NHS: variants seen among roughly 807,000 people sequenced by gnomAD.
NHS encodes the protein NHS actin remodeling regulator.
In NHS, 5 loss-of-function variants were observed where a neutral mutation model predicts 72.5. The ratio of observed to expected loss-of-function variants is 0.07; its 90% confidence interval spans 0.04 to 0.14. The LOEUF (loss-of-function observed/expected upper bound fraction) is 0.14. NHS is among the 10% of genes least tolerant of loss of function. NHS has a pLI of 1.00. For synonymous variants in NHS, 464 were observed against 547.7 expected, an observed-to-expected ratio of 0.85 and a Z score of 2.13; for missense variants, 1,072 against 1,355.7, an observed-to-expected ratio of 0.79 and a Z score of 3.29.
At chrX:17,519,194 T>C (rs1220098578) in intron 1 of NHS, among the ~76,000 whole-genome samples, 1 of 111,573 alleles carries the variant, frequency 9.0e-6, no homozygotes, top group East Asian at 2.8e-4. Context: ...GTAAAAGCCA[T>C]ACTGTGCTAT....
chrX:17,644,765 T>C (rs1393399843), intron 1 of NHS, among the ~76,000 whole-genome samples: 1 of 111,313 alleles, frequency 9.0e-6, no homozygotes, highest in Non-Finnish European at 1.9e-5. Context: ...ATCTATGTTA[T>C]GTAATATAAA....
At chrX:17,537,251 T>C (rs1313656609) in intron 1 of NHS, among the ~76,000 whole-genome samples, 3 of 112,200 alleles carry the variant, frequency 2.7e-5, no homozygotes, top group African/African-American at 9.8e-5. Context: ...CTAAGTTCGA[T>C]CAAAAGCACC....
At chrX:17,477,831 G>C (rs2064927960) in intron 1 of NHS, among the ~76,000 whole-genome samples, 1 of 111,853 alleles carries the variant, frequency 8.9e-6, no homozygotes, top group Admixed American at 9.5e-5. Flanking sequence ...TGATAGGAGG[G>C]GTTGTAAAGT....
At chrX:17,719,036 AGGAG>A (rs1367851357) in intron 3 of NHS, among the ~76,000 whole-genome samples, 2 of 93,513 alleles carry the variant, frequency 2.1e-5, no homozygotes, top group Admixed American at 2.2e-4. Flanking sequence ...AAAGGAAAGA[AGGAG>A]GGAGGGAAGG....
intron 3 of NHS, among the ~76,000 whole-genome samples, chrX:17,714,025 G>A (rs182289420): frequency 1.8e-5 from 2 of 111,422 alleles, no homozygotes; most frequent in Admixed American, 1.9e-4. Context: ...TCTTTTGTCA[G>A]GGACAAGATG....
At chrX:17,534,960 A>G (rs1191929448) in intron 1 of NHS, among the ~76,000 whole-genome samples, 1 of 111,994 alleles carries the variant, frequency 8.9e-6, no homozygotes, top group African/African-American at 3.2e-5. Context: ...AGTCAATGAA[A>G]GATGAGAGCT....
At chrX:17,555,576 C>CCT (rs1218231271) in intron 1 of NHS, among the ~76,000 whole-genome samples, 1 of 111,657 alleles carries the variant, frequency 9.0e-6, no homozygotes, top group Admixed American at 9.6e-5. Context: ...AAGTGCTGTT[C>CCT]CTCTCTCTAG....
intron 1 of NHS, among the ~76,000 whole-genome samples, chrX:17,494,657 A>G (rs1424211468): frequency 2.7e-5 from 3 of 111,874 alleles, no homozygotes; most frequent in African/African-American, 9.8e-5. Flanking sequence ...CCTCTTCCAT[A>G]AGATCCTGCT....
chrX:17,554,251 C>T (rs2065353729), intron 1 of NHS, among the ~76,000 whole-genome samples: 1 of 112,333 alleles, frequency 8.9e-6, no homozygotes, highest in African/African-American at 3.2e-5. Context: ...TGAGCTGCTC[C>T]AGACCCTTCT....
At chrX:17,659,750 A>G (rs1271291824) in intron 1 of NHS, among the ~76,000 whole-genome samples, 1 of 112,262 alleles carries the variant, frequency 8.9e-6, no homozygotes, top group Admixed American at 9.4e-5. Flanking sequence ...CCAGACACTA[A>G]TCTATGCCCT....
At chrX:17,556,259 G>T (rs1190987886) in intron 1 of NHS, among the ~76,000 whole-genome samples, 2 of 112,831 alleles carry the variant, frequency 1.8e-5, no homozygotes, top group Non-Finnish European at 3.7e-5. Context: ...GGCTGATTTA[G>T]AAGTCTTATC....
At chrX:17,458,381 A>G (rs762708352) in intron 1 of NHS, among the ~76,000 whole-genome samples, 4 of 111,178 alleles carry the variant, frequency 3.6e-5, no homozygotes, top group African/African-American at 1.3e-4. Context: ...GGCGCACACT[A>G]CCACACCTGG....
intron 1 of NHS, among the ~76,000 whole-genome samples, chrX:17,386,705 TC>T (rs1484243084): frequency 2.8e-5 from 3 of 108,417 alleles, no homozygotes; most frequent in Non-Finnish European, 5.7e-5. Context: ...AAAAAGAATG[TC>T]CCTAATGTGG....
chrX:17,477,413 A>G (rs1288087797), intron 1 of NHS, among the ~76,000 whole-genome samples: 1 of 112,344 alleles, frequency 8.9e-6, no homozygotes, highest in African/African-American at 3.2e-5. Flanking sequence ...TGGGTAAGGC[A>G]TGAGCTGTGG....
At chrX:17,622,052 G>A (rs2065776774) in intron 1 of NHS, among the ~76,000 whole-genome samples, 1 of 111,762 alleles carries the variant, frequency 8.9e-6, no homozygotes, top group Non-Finnish European at 1.9e-5. Flanking sequence ...CCCTGAGGAG[G>A]CTGGGTGGGC....
intron 1 of NHS, among the ~76,000 whole-genome samples, chrX:17,579,920 T>C (rs1461959465): frequency 9.0e-6 from 1 of 110,838 alleles, no homozygotes; most frequent in Non-Finnish European, 1.9e-5. Context: ...CTTGGTGAGA[T>C]GTGTTCTCTA....
rs148583266 is a variant in NHS, at chrX:17,477,670, C to T, written c.565+101348C>T. Among the ~76,000 whole-genome samples, 41 of 112,151 alleles carry T rather than the reference C, an allele frequency of 3.7e-4. No individual in the cohort carries two copies. In the East Asian group the frequency reaches 9.5e-3, roughly 26 times the overall value. On this transcript the variant is annotated intron_variant, in intron 1 of 8. Transcript: ENST00000676302. ...TCTTCTAGGACCGTCTATTTTACTC[C>T]ATAATAAATGAATTAAAGATGAGAG...
At chrX:17,468,661 T>C (rs765538725) in intron 1 of NHS, among the ~76,000 whole-genome samples, 2 of 110,375 alleles carry the variant, frequency 1.8e-5, no homozygotes, top group Non-Finnish European at 3.8e-5. Context: ...CAAAGTCTCC[T>C]CCCACCTCAG....
At position 17,463,087 on chromosome X, in the gene NHS, G is replaced by A. The variant is rs2064855243; in HGVS notation, c.565+86765G>A. Among the ~76,000 whole-genome samples the A allele has an allele frequency of 2.7e-5, 3 of 112,287 alleles. No homozygotes were observed. In the Admixed American group the frequency reaches 2.8e-4, roughly 11 times the overall value. ...CTGGGTTGTGCAATGTGGCACCCAT[G>A]CAATGCTCCCATGCTCACTCATCTG... On this transcript the variant is annotated intron_variant, in intron 1 of 8. Coordinates refer to ENST00000676302, the MANE Select transcript of NHS (RefSeq NM_001291867.2).
Sources: allele counts gnomAD v4.1 joint callset (sites outside exome capture counted in the v4.1 genomes callset), GRCh38; gene constraint gnomAD v4.1.1; transcripts MANE v1.5; gene names NCBI Gene and HGNC (gene_info 2026-07-23, HGNC 2026-07-21).